The following KLHL18 variants were observed in gnomAD, a reference collection of about 807,000 sequenced individuals.
KLHL18 encodes kelch like family member 18.
A neutral mutation model predicts 58.5 loss-of-function variants in KLHL18; 38 were observed. The ratio of observed to expected loss-of-function variants is 0.65; its 90% CI spans 0.50 to 0.85. KLHL18 has a LOEUF of 0.85. Ranked by LOEUF, KLHL18 falls within the 40% of genes least tolerant of loss-of-function variation. The pLI is 0.00. For missense variants in KLHL18, 624 were observed against 778.4 expected (o/e 0.80, Z 2.36); for synonymous variants, 303 against 301.9 (o/e 1.00, Z -0.04).
intron 1 of KLHL18, among the ~76,000 whole-genome samples, chr3:47,290,100 G>A (rs1324632748): frequency 6.6e-6 from 1 of 152,210 alleles, no homozygotes; most frequent in Non-Finnish European, 1.5e-5. Flanking sequence ...GCACAAAGCT[G>A]TATCAGCTGA....
At chr3:47,321,946 G>A (rs1240893256) in intron 2 of KLHL18, among the ~76,000 whole-genome samples, 2 of 152,174 alleles carry the variant, frequency 1.3e-5, no homozygotes, top group Admixed American at 6.5e-5. Context: ...AGTAAGAAAG[G>A]GAGAAAGTGG....
rs540372877 is a variant in KLHL18, at chr3:47,294,347, A to C, written c.129+11253A>C. On this transcript the variant is annotated intron_variant, in intron 1 of 9. Coordinates refer to ENST00000232766, the MANE Select transcript of KLHL18 (RefSeq NM_025010.5). The stretch of plus-strand genomic sequence containing the variant: ...GGTGCAGCAGTGAGCAGAGTAGGCC[A>C]AGCCTTTTTGAGTATGAGCTTACAT... Among the ~76,000 whole-genome samples, 208 of 152,328 alleles carry C rather than the reference A, an allele frequency of 1.4e-3. 1 individual carries two copies. Among genetic ancestry groups the C allele is most frequent in the African/African-American group, 4.7e-3 (194 of 41,566 alleles).
chr3:47,297,580 G>A (rs180883033), intron 1 of KLHL18: 3 of 456,654 alleles, frequency 6.6e-6, no homozygotes, highest in East Asian at 6.9e-5. Context: ...ATTTTCAGAT[G>A]AGATGAGAAG....
Position 47,334,919 on chromosome 3 carries a change from C to G in KLHL18, c.898+100C>G, listed in dbSNP as rs1703949904. ...GCCCTTCTGGTTTCTCTGTTTTGTACTGTCACCACCCTTGCCCCTCTTGAT... is the reference window on the plus strand; with the variant it reads ...GCCCTTCTGGTTTCTCTGTTTTGTAGTGTCACCACCCTTGCCCCTCTTGAT... On this transcript the variant is annotated intron_variant, in intron 6 of 9. Transcript: ENST00000232766. The surrounding 1 kb of genome is among the most constrained non-coding windows in gnomAD (Gnocchi z 4.7). 11 of 1,212,408 alleles carry G rather than the reference C, an allele frequency of 9.1e-6. No homozygotes were observed. The highest frequency in any genetic ancestry group is 1.3e-5 in the Non-Finnish European group (11 of 864,276). 75.1% of individuals were successfully genotyped at this position (1,212,408 alleles called of 1,614,324 possible).
intron 1 of KLHL18, among the ~76,000 whole-genome samples, chr3:47,319,287 A>G (rs1703528119): frequency 6.6e-6 from 1 of 152,216 alleles, no homozygotes; most frequent in South Asian, 2.1e-4. Context: ...TGAGGTTGGG[A>G]TAAAGTGTTA....
At chr3:47,299,625 G>T (rs1406498323) in intron 1 of KLHL18, among the ~76,000 whole-genome samples, 1 of 151,916 alleles carries the variant, frequency 6.6e-6, no homozygotes, top group Non-Finnish European at 1.5e-5. Flanking sequence ...CCAGGAGTTT[G>T]AGACCAGCAC....
At position 47,323,605 on chromosome 3, in the gene KLHL18, C is replaced by G. The variant is rs115426087; in HGVS notation, c.401+897C>G. ...AGCAGTTAAGAAGGCTCTCCCTCCCCCTCAAGAGCCAGAGCTCTTAGTCAT... is the reference window on the plus strand; with the variant it reads ...AGCAGTTAAGAAGGCTCTCCCTCCCGCTCAAGAGCCAGAGCTCTTAGTCAT... On this transcript the variant is annotated intron_variant, in intron 3 of 9. Transcript: ENST00000232766. 2.4e-3 allele frequency among the ~76,000 whole-genome samples: 370 copies of G among 152,314 alleles called. 2 individuals carry two copies. The highest frequency in any genetic ancestry group is 8.6e-3 in the African/African-American group (356 of 41,552).
Position 47,282,986 on chromosome 3 carries a change from G to A in KLHL18, c.21G>A (p.Glu7=). 1 of 1,611,158 alleles carries A rather than the reference G, an allele frequency of 6.2e-7. No individual in the cohort carries two copies. Among genetic ancestry groups the A allele is most frequent in the Non-Finnish European group, 8.5e-7 (1 of 1,178,996 alleles). ...GGAAGATGGTGGAGGACGGCGCGGA[G>A]GAGCTGGAGGATCTGGTGCACTTCT... is the stretch of plus-strand genomic sequence containing the variant. MVEDGA[E]ELEDLVHFSV... is the part of the protein sequence containing the mutation. Residue 7 remains glutamate (E), a synonymous_variant, in exon 1 of 10, where the codon GAG becomes GAA. Coordinates refer to ENST00000232766, the MANE Select transcript of KLHL18 (RefSeq NM_025010.5).
chr3:47,344,297 C>T lies in KLHL18; in HGVS notation c.*356C>T, dbSNP rs1704179849. On this transcript the variant is annotated 3_prime_UTR_variant, in exon 10 of 10. Transcript: ENST00000232766. ...AGGCCTTCCATCTGATGCTCCCCAT[C>T]GCCTGCTTGCTCTCCAGCCGAGTCT... is the stretch of plus-strand genomic sequence containing the variant. 9.8e-6 allele frequency: 3 copies of T among 306,962 alleles called. No homozygotes were observed. The South Asian group carries it at 1.1e-4, about 12-fold the overall frequency. The allele number at this position is 306,962 out of a possible 1,614,324, so 19.0% of individuals were successfully genotyped here. A position where few individuals can be genotyped will look rare whatever the true frequency, so the allele number is the denominator to read the frequency against.
intron 1 of KLHL18, among the ~76,000 whole-genome samples, chr3:47,292,120 T>C (rs929325571): frequency 2.6e-5 from 4 of 152,060 alleles, no homozygotes; most frequent in African/African-American, 4.8e-5. Flanking sequence ...GCAGGCAAAA[T>C]AGGTGAACTG....
At chr3:47,301,637 T>G (rs1703027959) in intron 1 of KLHL18, among the ~76,000 whole-genome samples, 1 of 152,192 alleles carries the variant, frequency 6.6e-6, no homozygotes, top group Non-Finnish European at 1.5e-5. Context: ...TAGTTGACCC[T>G]TGAACAATGT....
chr3:47,283,198 G>A lies in KLHL18; in HGVS notation c.129+104G>A. On this transcript the variant is annotated intron_variant, in intron 1 of 9. Transcript: ENST00000232766. ...AGAGGTCTAGCAGGGAGAGGGGTGG[G>A]GAGAAGAGGTGTGAGGGGGGCCGAG... is the stretch of plus-strand genomic sequence containing the variant. 3 of 1,043,378 alleles carry A rather than the reference G, an allele frequency of 2.9e-6. No homozygotes were observed. In the South Asian group the frequency reaches 4.5e-5, roughly 16 times the overall value. 64.6% of individuals were successfully genotyped at this position (1,043,378 alleles called of 1,614,324 possible). A position where few individuals can be genotyped will look rare whatever the true frequency, so the allele number is the denominator to read the frequency against.
Position 47,336,542 on chromosome 3 carries a change from C to T in KLHL18, c.906C>T (p.Ser302=). The change falls in exon 7 of 10, where the codon TCC becomes TCT. Residue 302 remains serine (S), a synonymous_variant. Transcript: ENST00000232766. ...AVGGLNSAGD[S]LNVVEVFDPI... is the part of the protein sequence containing the mutation. ...TAGCAAATTTTTATGCAGGTGATTC[C>T]CTGAATGTGGTGGAAGTGTTCGACC... 1.2e-6 allele frequency: 2 copies of T among 1,612,470 alleles called. No homozygotes were observed. Among genetic ancestry groups the T allele is most frequent in the Non-Finnish European group, 1.7e-6 (2 of 1,178,560 alleles).
At chr3:47,335,080 A>G (rs930512589) in intron 6 of KLHL18, among the ~76,000 whole-genome samples, 2 of 152,244 alleles carry the variant, frequency 1.3e-5, no homozygotes, top group African/African-American at 4.8e-5. Context: ...TGAGCCCCAC[A>G]GAACTTTCAC....
At chr3:47,323,961 C>G (rs1703647958) in intron 3 of KLHL18, among the ~76,000 whole-genome samples, 1 of 152,204 alleles carries the variant, frequency 6.6e-6, no homozygotes, top group Non-Finnish European at 1.5e-5. Flanking sequence ...CTGAGTACTG[C>G]TGTGTGTACA....
At chr3:47,324,208 G>T (rs1182946284) in intron 3 of KLHL18, among the ~76,000 whole-genome samples, 1 of 149,374 alleles carries the variant, frequency 6.7e-6, no homozygotes, top group Non-Finnish European at 1.5e-5. Context: ...CTGCTCGTTT[G>T]TGAGCTTTTT....
chr3:47,288,002 C>G (rs1331245915), intron 1 of KLHL18, among the ~76,000 whole-genome samples: 1 of 151,958 alleles, frequency 6.6e-6, no homozygotes, highest in Non-Finnish European at 1.5e-5. Context: ...ATGGGCAGAT[C>G]ACGAGATCAA....
At chr3:47,325,928 C>T (rs972857913) in intron 3 of KLHL18, among the ~76,000 whole-genome samples, 9 of 151,894 alleles carry the variant, frequency 5.9e-5, no homozygotes, top group East Asian at 3.9e-4. Context: ...CCACCATGCC[C>T]GGCTAATTTT....
chr3:47,302,302 T>C (rs1170904387), intron 1 of KLHL18, among the ~76,000 whole-genome samples: 1 of 152,120 alleles, frequency 6.6e-6, no homozygotes, highest in East Asian at 1.9e-4. Context: ...CTGGCCAACA[T>C]GGCGAAACCC....
Sources: gnomAD v4.1 joint callset for allele counts (sites outside exome capture counted in the v4.1 genomes callset) on GRCh38, gnomAD v4.1.1 for gene constraint, Gnocchi (gnomAD v3.1) non-coding constraint, MANE v1.5 for transcripts, NCBI Gene and HGNC (gene_info 2026-07-23, HGNC 2026-07-21) for gene names.